The following CTNNA3 variants were observed in gnomAD, a reference collection of about 807,000 sequenced individuals.
The protein encoded by CTNNA3 is catenin alpha-3.
CTNNA3 carries 76 observed loss-of-function variants against 95.7 expected under a neutral mutation model. The observed-to-expected ratio is 0.79, with a 90% CI of 0.66 to 0.96. CTNNA3 has a LOEUF of 0.96. Among genes scored for constraint, CTNNA3 ranks in the 40% least tolerant of loss-of-function variants. CTNNA3 has a pLI of 0.00. For synonymous variants in CTNNA3, 431 were observed against 374.4 expected (o/e 1.15, Z -1.74); for missense variants, 1,191 against 1,089.8 (o/e 1.09, Z -1.31).
intron 9 of CTNNA3, among the ~76,000 whole-genome samples, chr10:66,677,640 T>C (rs1264770422): frequency 6.6e-6 from 1 of 151,748 alleles, no homozygotes; most frequent in Non-Finnish European, 1.5e-5. Context: ...TAAAGGGGAG[T>C]TCCCCTACAC....
chr10:67,058,078 T>C (rs1405763399), intron 7 of CTNNA3, among the ~76,000 whole-genome samples: 1 of 152,160 alleles, frequency 6.6e-6, no homozygotes, highest in Non-Finnish European at 1.5e-5. Flanking sequence ...TCAACTAATC[T>C]TTTCTTGCAT....
chr10:67,538,821 CA>C (rs1211700471), intron 4 of CTNNA3, among the ~76,000 whole-genome samples: 1 of 152,106 alleles, frequency 6.6e-6, no homozygotes. Context: ...GAGTTCTTTG[CA>C]ACCTTTTCAT....
At chr10:66,503,878 C>T (rs968384395) in intron 11 of CTNNA3, among the ~76,000 whole-genome samples, 25 of 152,044 alleles carry the variant, frequency 1.6e-4, no homozygotes, top group Non-Finnish European at 3.7e-4. Context: ...GAACGATAGG[C>T]AGTTTGTAAG....
intron 7 of CTNNA3, among the ~76,000 whole-genome samples, chr10:67,044,391 G>A (rs1396881969): frequency 1.3e-5 from 2 of 152,000 alleles, no homozygotes; most frequent in African/African-American, 4.8e-5. Context: ...TGGAAATAGA[G>A]AGTAGCATTA....
At chr10:66,116,775 C>G (rs969078134) in intron 13 of CTNNA3, among the ~76,000 whole-genome samples, 2 of 152,096 alleles carry the variant, frequency 1.3e-5, no homozygotes, top group Non-Finnish European at 2.9e-5. Flanking sequence ...ACCTTACAAT[C>G]ATGGTGGAAG....
At chr10:66,519,176 C>T (rs899627842) in intron 11 of CTNNA3, among the ~76,000 whole-genome samples, 17 of 152,090 alleles carry the variant, frequency 1.1e-4, no homozygotes, top group South Asian at 4.1e-4. Flanking sequence ...ATAAAAAAGA[C>T]GAAAATGTGT....
At chr10:66,058,051 TG>T (rs2133560343) in intron 15 of CTNNA3, among the ~76,000 whole-genome samples, 1 of 152,318 alleles carries the variant, frequency 6.6e-6, no homozygotes, top group South Asian at 2.1e-4. Flanking sequence ...TTCCCTTTGC[TG>T]TGTGTGCTAC....
chr10:66,394,836 C>G (rs940951658), intron 11 of CTNNA3, among the ~76,000 whole-genome samples: 2 of 151,916 alleles, frequency 1.3e-5, no homozygotes, highest in Non-Finnish European at 2.9e-5. Flanking sequence ...CACAGAAAAG[C>G]AAATCCCAGT....
intron 7 of CTNNA3, among the ~76,000 whole-genome samples, chr10:66,964,163 T>C (rs940880126): frequency 1.3e-5 from 2 of 152,244 alleles, no homozygotes; most frequent in South Asian, 4.2e-4. Context: ...CATCAATTTC[T>C]GTCCACAGTA....
intron 13 of CTNNA3, among the ~76,000 whole-genome samples, chr10:66,252,217 C>A (rs1018189072): frequency 7.2e-5 from 11 of 152,100 alleles, no homozygotes; most frequent in Non-Finnish European, 1.5e-4. Context: ...AGCTTGACAA[C>A]GTATGTTTTG....
intron 12 of CTNNA3, among the ~76,000 whole-genome samples, chr10:66,346,788 A>G (rs1362866037): frequency 6.6e-6 from 1 of 152,062 alleles, no homozygotes; most frequent in Non-Finnish European, 1.5e-5. Context: ...CTGGGCTCTC[A>G]GTAAGTAAAG....
intron 7 of CTNNA3, among the ~76,000 whole-genome samples, chr10:67,104,952 T>C (rs934848394): frequency 6.6e-6 from 1 of 152,056 alleles, no homozygotes; most frequent in Non-Finnish European, 1.5e-5. Context: ...AGAAATGTTA[T>C]CTGAAATATC....
chr10:66,489,958 A>AT (rs1315216381), intron 11 of CTNNA3, among the ~76,000 whole-genome samples: 1 of 152,208 alleles, frequency 6.6e-6, no homozygotes, highest in Non-Finnish European at 1.5e-5. Context: ...GCTGGTTTCC[A>AT]TTTTTTGAGT....
intron 7 of CTNNA3, among the ~76,000 whole-genome samples, chr10:67,037,627 T>G (rs902136877): frequency 6.6e-6 from 1 of 152,114 alleles, no homozygotes; most frequent in Non-Finnish European, 1.5e-5. Context: ...GATGAAAACC[T>G]GAACTAAGAC....
chr10:67,755,802 C>CAAAAAA (rs201336788), intron 1 of CTNNA3, among the ~76,000 whole-genome samples: 13 of 58,606 alleles, frequency 2.2e-4, no homozygotes, highest in African/African-American at 5.9e-4. Context: ...GTCTCTGCCT[C>CAAAAAA]AAAAAAAAAA....
intron 9 of CTNNA3, among the ~76,000 whole-genome samples, chr10:66,645,571 A>G (rs1845679767): frequency 6.6e-6 from 1 of 152,062 alleles, no homozygotes; most frequent in Admixed American, 6.6e-5. Flanking sequence ...GGGCTCCCCA[A>G]CCCCTGGGCC....
intron 7 of CTNNA3, among the ~76,000 whole-genome samples, chr10:66,862,430 T>C (rs931625762): frequency 6.6e-6 from 1 of 152,076 alleles, no homozygotes; most frequent in Non-Finnish European, 1.5e-5. Context: ...AAAAATAACA[T>C]ACATTAATAG....
chr10:66,640,333 A>C (rs1845474082), intron 9 of CTNNA3, among the ~76,000 whole-genome samples: 1 of 152,166 alleles, frequency 6.6e-6, no homozygotes, highest in Non-Finnish European at 1.5e-5. Context: ...ACCTTCCCCA[A>C]GGCAATGTCT....
rs866930514 is a variant in CTNNA3 at position 67,539,391 on chromosome 10, G to A, written c.459+112C>T. 25 of 1,111,176 alleles carry A rather than the reference G, an allele frequency of 2.2e-5. No individual in the cohort carries two copies. The Middle Eastern group carries it at 4.4e-3, about 195-fold the overall frequency. 68.8% of individuals were successfully genotyped at this position (1,111,176 alleles called of 1,614,324 possible). A position where few individuals can be genotyped will look rare whatever the true frequency, so the allele number is the denominator to read the frequency against. On this transcript the variant is annotated intron_variant, in intron 4 of 17. Coordinates refer to ENST00000433211, the MANE Select transcript of CTNNA3 (RefSeq NM_013266.4). Reference sequence around the variant, plus strand: ...CAGTCTAGTCTGCTTCTGAAGGGGTGATGTTAAGAAATGAGAGTGAAGCCA... The same window carrying A: ...CAGTCTAGTCTGCTTCTGAAGGGGTAATGTTAAGAAATGAGAGTGAAGCCA...
Sources: gnomAD v4.1 joint callset for allele counts (sites outside exome capture counted in the v4.1 genomes callset) on GRCh38, gnomAD v4.1.1 for gene constraint, MANE v1.5 for transcripts, NCBI Gene and HGNC (gene_info 2026-07-23, HGNC 2026-07-21) for gene names.